The following CDH13 variants were observed in gnomAD, a reference collection of about 807,000 sequenced individuals.
The protein encoded by CDH13 is cadherin 13.
In CDH13, 24 loss-of-function variants were observed where a neutral mutation model predicts 63.8. The ratio of observed to expected loss-of-function variants is 0.38; its 90% CI spans 0.27 to 0.53. CDH13 has a LOEUF of 0.53. Ranked by LOEUF, CDH13 falls within the 20% of genes least tolerant of loss-of-function variation. The probability of loss-of-function intolerance (pLI) is 0.85; values close to 1 mark genes in which losing one functional copy is unlikely to be tolerated. For synonymous variants in CDH13, 503 were observed against 355.3 expected (o/e 1.42, Z -4.67); for missense variants, 1,049 against 903.1 (o/e 1.16, Z -2.07).
chr16:83,624,998 A>G (rs1042108440), intron 8 of CDH13, among the ~76,000 whole-genome samples: 5 of 152,232 alleles, frequency 3.3e-5, no homozygotes, highest in African/African-American at 1.2e-4. Flanking sequence ...GTGCGGTGAT[A>G]TCGAGTACAT....
chr16:83,032,397 T>A (rs1237643289), intron 3 of CDH13, 179 bp downstream of exon 3: 1 of 590,588 alleles, frequency 1.7e-6, no homozygotes, highest in Non-Finnish European at 3.0e-6. Flanking sequence ...ATTAATTGAT[T>A]CATGTAACTA....
In CDH13 at chr16:82,933,345, G is replaced by T. The variant is rs184774321; in HGVS notation, c.157+74872G>T. Among the ~76,000 whole-genome samples the T allele has an allele frequency of 8.6e-3, 1,302 of 152,230 alleles. 8 individuals are homozygous for T. Among genetic ancestry groups the T allele is most frequent in the Non-Finnish European group, 0.015 (1,006 of 68,030 alleles). On this transcript the variant is annotated intron_variant, in intron 2 of 13. Coordinates refer to ENST00000567109, the MANE Select transcript of CDH13 (RefSeq NM_001257.5). Reference sequence around the variant, plus strand: ...GCCCCCTATAAAACTATCAGATTTTGGGAGAACTCATTCACTATCATGAGA... The same window carrying T: ...GCCCCCTATAAAACTATCAGATTTTTGGAGAACTCATTCACTATCATGAGA...
intron 1 of CDH13, among the ~76,000 whole-genome samples, chr16:82,787,792 C>A (rs546864563): frequency 1.0e-5 from 1 of 97,674 alleles, no homozygotes; most frequent in African/African-American, 3.5e-5. Context: ...AGAAAAGTTA[C>A]GAATTAAGTT....
intron 2 of CDH13, chr16:82,859,146 A>G (rs1332656619): frequency 2.0e-5 from 3 of 152,276 alleles, no homozygotes; most frequent in East Asian, 3.8e-4. Flanking sequence ...CATAACAAGT[A>G]CAGTTTTAGT....
intron 10 of CDH13, among the ~76,000 whole-genome samples, chr16:83,722,298 A>C (rs1019502191): frequency 3.9e-5 from 6 of 152,230 alleles, no homozygotes; most frequent in Non-Finnish European, 7.3e-5. Context: ...AATATCATGC[A>C]TGTAGTGCCA....
chr16:82,757,415 G>A (rs993596201), intron 1 of CDH13, among the ~76,000 whole-genome samples: 3 of 109,728 alleles, frequency 2.7e-5, no homozygotes, highest in African/African-American at 8.0e-5. Context: ...CTGGGTATAG[G>A]GCAGCTCTCA....
At chr16:83,434,498 A>G (rs1380111329) in intron 6 of CDH13, among the ~76,000 whole-genome samples, 1 of 151,958 alleles carries the variant, frequency 6.6e-6, no homozygotes, top group Non-Finnish European at 1.5e-5. Context: ...TCCCATGCCC[A>G]CTGAAGTGCC....
intron 4 of CDH13, among the ~76,000 whole-genome samples, chr16:83,171,013 G>A (rs74515971): frequency 2.6e-5 from 4 of 151,902 alleles, no homozygotes; most frequent in African/African-American, 9.7e-5. Context: ...TTTGAGGGAA[G>A]CTGTATTAGG....
intron 5 of CDH13, among the ~76,000 whole-genome samples, chr16:83,259,146 G>A (rs908511494): frequency 6.6e-6 from 1 of 152,150 alleles, no homozygotes; most frequent in African/African-American, 2.4e-5. Context: ...GAGGCCGGCT[G>A]AGGGGGACAG....
chr16:83,194,331 G>A lies in CDH13; in HGVS notation c.484-23014G>A, dbSNP rs1416787940. Among the ~76,000 whole-genome samples, 3 of 152,184 alleles carry A rather than the reference G, an allele frequency of 2.0e-5. No individual in the cohort carries two copies. The East Asian group carries it at 5.8e-4, about 29-fold the overall frequency. ...GATGATCACGCTTGCTGTTAGCAGC[G>A]CAGATCCAGCGTAATTTTAAAAGCA... On this transcript the variant is annotated intron_variant, in intron 4 of 13. Coordinates refer to ENST00000567109, the MANE Select transcript of CDH13 (RefSeq NM_001257.5).
At chr16:83,027,833 T>G (rs1010001135) in intron 2 of CDH13, among the ~76,000 whole-genome samples, 1 of 152,162 alleles carries the variant, frequency 6.6e-6, no homozygotes, top group African/African-American at 2.4e-5. Flanking sequence ...TTTGCATATG[T>G]TATGGTTTTC....
chr16:83,313,710 A>T (rs920045980), intron 5 of CDH13, among the ~76,000 whole-genome samples: 6 of 151,562 alleles, frequency 4.0e-5, no homozygotes, highest in African/African-American at 1.2e-4. Flanking sequence ...AGCATTCTAG[A>T]GGGACAAAAC....
intron 2 of CDH13, among the ~76,000 whole-genome samples, chr16:83,002,864 C>T (rs764045336): frequency 2.6e-5 from 4 of 152,166 alleles, no homozygotes; most frequent in Non-Finnish European, 1.5e-5. Flanking sequence ...TATAAGGCAG[C>T]AAAGGCTGAC....
chr16:82,798,435 G>A (rs1567546622), intron 1 of CDH13, among the ~76,000 whole-genome samples: 1 of 152,010 alleles, frequency 6.6e-6, no homozygotes, highest in Non-Finnish European at 1.5e-5. Flanking sequence ...TTCAATACAG[G>A]GTTTCTTGAA....
At chr16:83,265,975 C>T (rs577467767) in intron 5 of CDH13, among the ~76,000 whole-genome samples, 4 of 152,116 alleles carry the variant, frequency 2.6e-5, no homozygotes, top group South Asian at 2.1e-4. Context: ...CTCGCTCTGT[C>T]GCCCAGGCTA....
At chr16:83,440,382 G>C (rs2072445515) in intron 6 of CDH13, among the ~76,000 whole-genome samples, 1 of 152,094 alleles carries the variant, frequency 6.6e-6, no homozygotes, top group East Asian at 1.9e-4. Context: ...GTGGGGGCCA[G>C]AGCCCAGAAG....
intron 8 of CDH13, among the ~76,000 whole-genome samples, chr16:83,654,128 A>G (rs1430602756): frequency 1.3e-5 from 2 of 152,212 alleles, no homozygotes; most frequent in African/African-American, 4.8e-5. Flanking sequence ...AAGTGTGGAT[A>G]GAGGATGAAT....
intron 9 of CDH13, among the ~76,000 whole-genome samples, chr16:83,677,931 G>A (rs1046969412): frequency 1.2e-4 from 18 of 152,196 alleles, no homozygotes; most frequent in African/African-American, 4.3e-4. Flanking sequence ...GTCACTCAGT[G>A]TCCGGATCAC....
chr16:83,347,048 G>A (rs1204500399), intron 6 of CDH13, among the ~76,000 whole-genome samples: 1 of 152,128 alleles, frequency 6.6e-6, no homozygotes, highest in African/African-American at 2.4e-5. Flanking sequence ...TCCAGAATGT[G>A]GAAATGTTGC....
Sources: gnomAD v4.1 joint callset for allele counts (sites outside exome capture counted in the v4.1 genomes callset) on GRCh38, gnomAD v4.1.1 for gene constraint, MANE v1.5 for transcripts, NCBI Gene and HGNC (gene_info 2026-07-23, HGNC 2026-07-21) for gene names.